ZNF536: variants seen among roughly 807,000 people sequenced by gnomAD.
ZNF536 encodes zinc finger protein 536.
A neutral mutation model predicts 84.5 loss-of-function variants in ZNF536; 13 were observed. That is an observed-to-expected ratio of 0.15 (90% confidence interval 0.10 to 0.24). The LOEUF (loss-of-function observed/expected upper bound fraction) is 0.24, where lower values mean the gene tolerates loss of function less well. Among genes scored for constraint, ZNF536 ranks in the 10% least tolerant of loss-of-function variants. The pLI, the probability that ZNF536 is intolerant of heterozygous loss-of-function variation, is 1.00. For missense variants in ZNF536, 1,536 were observed against 1,747.5 expected (o/e 0.88, Z 2.16); for synonymous variants, 811 against 742.5 (o/e 1.09, Z -1.50).
intron 2 of ZNF536, among the ~76,000 whole-genome samples, chr19:30,320,182 A>G (rs1409080393): frequency 1.3e-5 from 2 of 151,944 alleles, no homozygotes; most frequent in African/African-American, 4.8e-5. Context: ...TCACATGATT[A>G]AAAAAAACAT....
chr19:30,643,069 A>G (rs957199250), intron 1 of ZNF536, among the ~76,000 whole-genome samples: 12 of 152,198 alleles, frequency 7.9e-5, no homozygotes, highest in African/African-American at 2.9e-4. Flanking sequence ...TTTCATAAGT[A>G]AAGCCAGATT....
intron 1 of ZNF536, among the ~76,000 whole-genome samples, chr19:30,390,750 G>A (rs2049551484): frequency 6.6e-6 from 1 of 152,182 alleles, no homozygotes; most frequent in African/African-American, 2.4e-5. Flanking sequence ...GAGCTTACTG[G>A]AGGATTCTAA....
At chr19:30,319,347 G>C (rs1272239864) in intron 2 of ZNF536, among the ~76,000 whole-genome samples, 1 of 152,114 alleles carries the variant, frequency 6.6e-6, no homozygotes, top group East Asian at 1.9e-4. Flanking sequence ...TAATTTAGTC[G>C]TAAAGGCTCA....
In ZNF536 at chr19:30,641,529, C is replaced by T. The variant is rs1421664718; in HGVS notation, c.170-69228C>T. 3.3e-5 allele frequency among the ~76,000 whole-genome samples: 5 copies of T among 152,154 alleles called. No homozygotes were observed. In the East Asian group the frequency reaches 9.6e-4, roughly 29 times the overall value. ...TAAAATATCATTATATAGTTATTTA[C>T]CCTATTGTTGAATATGTCGACTGTT... On this transcript the variant is annotated intron_variant, in intron 1 of 1. Transcript: ENST00000592773.
chr19:30,586,076 A>T (rs2047084802), intron 1 of ZNF536, among the ~76,000 whole-genome samples: 1 of 152,168 alleles, frequency 6.6e-6, no homozygotes, highest in Non-Finnish European at 1.5e-5. Flanking sequence ...GTCTGTTTGG[A>T]TCCCACCTCT....
At chr19:30,477,697 C>T (rs540085393) in intron 2 of ZNF536, among the ~76,000 whole-genome samples, 11 of 152,312 alleles carry the variant, frequency 7.2e-5, no homozygotes, top group African/African-American at 2.6e-4. Flanking sequence ...CTCCACTGTG[C>T]TTTGCTGAAG....
chr19:30,315,691 C>T (rs1393357153), intron 2 of ZNF536, among the ~76,000 whole-genome samples: 1 of 152,194 alleles, frequency 6.6e-6, no homozygotes, highest in African/African-American at 2.4e-5. Flanking sequence ...AGACCCCTTT[C>T]AACTCTACTT....
At chr19:30,455,402 C>T (rs1013630144) in intron 2 of ZNF536, among the ~76,000 whole-genome samples, 3 of 152,140 alleles carry the variant, frequency 2.0e-5, no homozygotes, top group African/African-American at 7.2e-5. Flanking sequence ...GGACCTTCAT[C>T]ACCTTAAATA....
chr19:30,658,548 C>G (rs2050004652), intron 1 of ZNF536, among the ~76,000 whole-genome samples: 1 of 152,154 alleles, frequency 6.6e-6, no homozygotes, highest in Non-Finnish European at 1.5e-5. Flanking sequence ...GTCACACACA[C>G]ACACACACAC....
intron 1 of ZNF536, among the ~76,000 whole-genome samples, chr19:30,232,202 G>C (rs2023111780): frequency 6.6e-6 from 1 of 152,216 alleles, no homozygotes; most frequent in Non-Finnish European, 1.5e-5. Flanking sequence ...CCTGTTGACT[G>C]TGCCTGGTGA....
At chr19:30,404,740 G>T (rs960356392) in intron 1 of ZNF536, among the ~76,000 whole-genome samples, 2 of 151,970 alleles carry the variant, frequency 1.3e-5, no homozygotes, top group Non-Finnish European at 2.9e-5. Context: ...GAGGCGGGGG[G>T]GCTCCTCAAC....
chr19:30,477,058 G>A (rs572780138), intron 2 of ZNF536, among the ~76,000 whole-genome samples: 1 of 152,096 alleles, frequency 6.6e-6, no homozygotes, highest in South Asian at 2.1e-4. Flanking sequence ...CAAACTACTG[G>A]GATTACAGGC....
intron 2 of ZNF536, among the ~76,000 whole-genome samples, chr19:30,287,426 G>A (rs1375820681): frequency 6.6e-6 from 1 of 151,454 alleles, no homozygotes; most frequent in Non-Finnish European, 1.5e-5. Flanking sequence ...TAGATGAATA[G>A]ACGGATGGAT....
At chr19:30,251,118 G>C (rs1273892122) in intron 1 of ZNF536, among the ~76,000 whole-genome samples, 1 of 152,044 alleles carries the variant, frequency 6.6e-6, no homozygotes, top group South Asian at 2.1e-4. Flanking sequence ...CCCTATCATC[G>C]GTGGGGAATA....
At chr19:30,652,937 G>A (rs2049763906) in intron 1 of ZNF536, among the ~76,000 whole-genome samples, 1 of 152,200 alleles carries the variant, frequency 6.6e-6, no homozygotes, top group Non-Finnish European at 1.5e-5. Context: ...GTAACACCAA[G>A]GCGGGGAACC....
intron 1 of ZNF536, among the ~76,000 whole-genome samples, chr19:30,271,998 G>T (rs2025881270): frequency 6.6e-6 from 1 of 152,226 alleles, no homozygotes. Flanking sequence ...ACTTCTTGAA[G>T]AGCTGCCCAA....
intron 2 of ZNF536, among the ~76,000 whole-genome samples, chr19:30,500,003 T>C (rs1216297864): frequency 1.3e-5 from 2 of 152,214 alleles, no homozygotes; most frequent in African/African-American, 2.4e-5. Context: ...AAAGCCAAGA[T>C]AGCATTCCCT....
chr19:30,390,686 T>G (rs573637274), intron 1 of ZNF536, among the ~76,000 whole-genome samples: 40 of 152,120 alleles, frequency 2.6e-4, no homozygotes, highest in Non-Finnish European at 5.6e-4. Context: ...TTAGAAACAG[T>G]CCATGGCAAA....
At chr19:30,315,199 G>A (rs2046638885) in intron 2 of ZNF536, among the ~76,000 whole-genome samples, 1 of 152,220 alleles carries the variant, frequency 6.6e-6, no homozygotes, top group African/African-American at 2.4e-5. Context: ...AATATGCATT[G>A]ATGGGGAGAA....
Sources: gnomAD v4.1 joint callset for allele counts (sites outside exome capture counted in the v4.1 genomes callset) on GRCh38, gnomAD v4.1.1 for gene constraint, MANE v1.5 for transcripts, NCBI Gene and HGNC (gene_info 2026-07-23, HGNC 2026-07-21) for gene names.